Variants in LRRC40 observed in about 807,000 individuals in gnomAD.
LRRC40 encodes leucine rich repeat containing 40, also known as leucine-rich repeat-containing protein 40.
A neutral mutation model predicts 72.8 loss-of-function variants in LRRC40; 76 were observed. The observed-to-expected ratio is 1.04, with a 90% CI of 0.87 to 1.26. The LOEUF (loss-of-function observed/expected upper bound fraction) is 1.26. Among genes scored for constraint, LRRC40 ranks in the 50% most tolerant of loss-of-function variants. LRRC40 has a pLI of 0.00. For synonymous variants in LRRC40, 243 were observed against 254.2 expected, an observed-to-expected ratio of 0.96 and a Z score of 0.42; for missense variants, 684 against 698.9, an observed-to-expected ratio of 0.98 and a Z score of 0.24.
rs41287892 is a variant in LRRC40 at position 70,155,673 on chromosome 1, G to A, written c.1328+16C>T. 3.7e-3 allele frequency: 4,388 copies of A among 1,192,172 alleles called. 10 individuals are homozygous for A. The highest frequency in any genetic ancestry group is 4.7e-3 in the Non-Finnish European group (3,972 of 841,498). 73.8% of individuals were successfully genotyped at this position (1,192,172 alleles called of 1,614,324 possible). The stretch of plus-strand genomic sequence containing the variant: ...GAATGAGTCACAACCTATAGACATG[G>A]CATCATAGTTCTTACCTTTTTGGAA... On this transcript the variant is annotated intron_variant, in intron 11 of 14. Coordinates refer to ENST00000370952, the MANE Select transcript of LRRC40 (RefSeq NM_017768.5).
At chr1:70,201,307 C>T (rs1668732890) in intron 1 of LRRC40, among the ~76,000 whole-genome samples, 1 of 152,040 alleles carries the variant, frequency 6.6e-6, no homozygotes, top group Non-Finnish European at 1.5e-5. Context: ...GGAATCAGTA[C>T]AAGGGACAAG....
intron 12 of LRRC40, 38 bp from the exon 13 acceptor site, chr1:70,151,243 G>A (rs1462375439): frequency 1.0e-6 from 1 of 993,292 alleles, no homozygotes; most frequent in Non-Finnish European, 1.6e-6. Flanking sequence ...TACAAAGTTT[G>A]AAAAATTTTA....
At position 70,159,457 on chromosome 1, in the gene LRRC40, T is replaced by C. The variant is rs769376962; in HGVS notation, c.1112-19A>G. ...CCATCATCTGGCAAAAGAAAACTTA[T>C]ATGAAGCCAATATTTATACTACAAA... is the stretch of plus-strand genomic sequence containing the variant. On this transcript the variant is annotated intron_variant, in intron 9 of 14. Transcript: ENST00000370952. 1.9e-5 allele frequency: 21 copies of C among 1,120,070 alleles called. No individual in the cohort carries two copies. The highest frequency in any genetic ancestry group is 9.3e-5 in the African/African-American group (6 of 64,796). The allele number at this position is 1,120,070 out of a possible 1,614,324, so 69.4% of individuals were successfully genotyped here.
chr1:70,150,107 T>TG, intron 13 of LRRC40, among the ~76,000 whole-genome samples: 1 of 152,112 alleles, frequency 6.6e-6, no homozygotes, highest in South Asian at 2.1e-4. Flanking sequence ...TTAGTAGAGA[T>TG]GGAGTTTCAC....
At chr1:70,176,793 G>A (rs1433892227) in intron 6 of LRRC40, among the ~76,000 whole-genome samples, 2 of 151,890 alleles carry the variant, frequency 1.3e-5, no homozygotes, top group East Asian at 1.9e-4. Context: ...AACCAACTGT[G>A]TAGCCTAAAA....
At chr1:70,180,961 T>C in intron 5 of LRRC40, 125 bp downstream of exon 5, 1 of 629,350 alleles carries the variant, frequency 1.6e-6, no homozygotes, top group Non-Finnish European at 2.5e-6. Context: ...TAGTTGCTAT[T>C]GTTTGCATTT....
At chr1:70,179,484 G>T (rs1668194681) in intron 5 of LRRC40, among the ~76,000 whole-genome samples, 1 of 151,976 alleles carries the variant, frequency 6.6e-6, no homozygotes, top group South Asian at 2.1e-4. Flanking sequence ...AACAGTCCCG[G>T]TCATTTTTGT....
chr1:70,146,107 CT>C (rs1239642877), intron 14 of LRRC40, among the ~76,000 whole-genome samples: 1 of 152,084 alleles, frequency 6.6e-6, no homozygotes, highest in Non-Finnish European at 1.5e-5. Context: ...TTATTGCAAC[CT>C]CCACCTCCCA....
At chr1:70,159,745 T>A (rs938814584) in intron 9 of LRRC40, among the ~76,000 whole-genome samples, 1 of 152,112 alleles carries the variant, frequency 6.6e-6, no homozygotes, top group South Asian at 2.1e-4. Flanking sequence ...TAACAAGTAA[T>A]CCTTCCTCTT....
At chr1:70,185,147 G>A (rs1335605429) in intron 3 of LRRC40, among the ~76,000 whole-genome samples, 1 of 152,134 alleles carries the variant, frequency 6.6e-6, no homozygotes, top group African/African-American at 2.4e-5. Context: ...AAGGCTTTTA[G>A]CCAAACATAA....
intron 1 of LRRC40, among the ~76,000 whole-genome samples, chr1:70,197,585 A>G (rs924679267): frequency 3.3e-4 from 45 of 137,054 alleles, no homozygotes; most frequent in Middle Eastern, 3.9e-3. Context: ...GGCCCCCCCA[A>G]CCCCCGGCTT....
intron 10 of LRRC40, among the ~76,000 whole-genome samples, chr1:70,157,864 G>A (rs1667673898): frequency 6.6e-6 from 1 of 152,072 alleles, no homozygotes; most frequent in Non-Finnish European, 1.5e-5. Context: ...AGCACTTTGA[G>A]AAGCTGAGGC....
intron 1 of LRRC40, among the ~76,000 whole-genome samples, chr1:70,199,186 A>T (rs569468453): frequency 3.3e-5 from 5 of 150,618 alleles, no homozygotes; most frequent in African/African-American, 9.8e-5. Context: ...ATAAAAAAAT[A>T]AAAAATAGCA....
In LRRC40 at chr1:70,173,627, T is replaced by C. The variant is rs779599211; in HGVS notation, c.1060A>G (p.Ile354Val). 40 of 1,560,560 alleles carry C rather than the reference T, an allele frequency of 2.6e-5. No individual in the cohort carries two copies. In the South Asian group the frequency reaches 2.7e-4, roughly 10 times the overall value. The change falls in exon 8 of 15, where the codon ATA becomes GTA. Residue 354 changes from isoleucine (I) to valine (V), a missense_variant. By Grantham distance (29) the Ile-to-Val change is conservative. Transcript: ENST00000370952. ...TGAATTCCAAATATACTTACACTTATAATTTCTCTTCGAATTGTTCTCAAA... is the reference window on the plus strand; with the variant it reads ...TGAATTCCAAATATACTTACACTTACAATTTCTCTTCGAATTGTTCTCAAA... Reference protein sequence around the residue: ...NPLRTIRREIISKGTQEVLKY... With the variant: ...NPLRTIRREIVSKGTQEVLKY...
Position 70,203,371 on chromosome 1 carries a change from A to G in LRRC40, c.151+2019T>C, listed in dbSNP as rs140584931. Among the ~76,000 whole-genome samples, 7 of 152,322 alleles carry G rather than the reference A, an allele frequency of 4.6e-5. No homozygotes were observed. The East Asian group carries it at 1.4e-3, about 29-fold the overall frequency. On this transcript the variant is annotated intron_variant, in intron 1 of 14. Coordinates refer to ENST00000370952, the MANE Select transcript of LRRC40 (RefSeq NM_017768.5). ...TGGAAAAATAACTCTTGGTAATGAC[A>G]CTAGGATTTAGAGTGTGAGGGTAGT...
At chr1:70,156,603 C>T (rs1470995100) in intron 10 of LRRC40, among the ~76,000 whole-genome samples, 1 of 152,010 alleles carries the variant, frequency 6.6e-6, no homozygotes, top group African/African-American at 2.4e-5. Flanking sequence ...ATCCAGACCC[C>T]CCGGGGATGC....
At chr1:70,190,839 C>A (rs988212568) in intron 1 of LRRC40, among the ~76,000 whole-genome samples, 58 of 152,020 alleles carry the variant, frequency 3.8e-4, no homozygotes, top group African/African-American at 1.4e-3. Context: ...TAGGTATTAA[C>A]AACACAGAAT....
Position 70,144,886 on chromosome 1 carries a change from C to G in LRRC40, c.*914G>C, listed in dbSNP as rs1296728052. On this transcript the variant is annotated 3_prime_UTR_variant, in exon 15 of 15. Transcript: ENST00000370952. ...CAATTTTTTTCATAATATAAGCATG[C>G]CTCAATCATCCAAAAGCTATCTACC... The G allele has an allele frequency of 6.6e-6, 1 of 151,990 alleles. No homozygotes were observed. The highest frequency in any genetic ancestry group is 2.4e-5 in the African/African-American group (1 of 41,388). 9.4% of individuals were successfully genotyped at this position (151,990 alleles called of 1,614,324 possible).
chr1:70,190,394 G>A (rs1352452306), intron 1 of LRRC40, among the ~76,000 whole-genome samples: 2 of 151,850 alleles, frequency 1.3e-5, no homozygotes, highest in East Asian at 3.9e-4. Context: ...CTGAAAAAAT[G>A]AGCTAGCCAG....
Sources: allele counts gnomAD v4.1 joint callset (sites outside exome capture counted in the v4.1 genomes callset), GRCh38; gene constraint gnomAD v4.1.1; transcripts MANE v1.5; gene names NCBI Gene and HGNC (gene_info 2026-07-23, HGNC 2026-07-21).